WWOX: variants seen among roughly 807,000 people sequenced by gnomAD.
The protein encoded by WWOX is WW domain containing oxidoreductase.
Under a neutral mutation model 46.2 loss-of-function variants are expected in WWOX, and 69 were observed. The ratio of observed to expected loss-of-function variants is 1.49; its 90% CI spans 1.23 to 1.82. WWOX has a LOEUF of 1.82. Among genes scored for constraint, WWOX ranks in the 40% most tolerant of loss-of-function variants. WWOX has a pLI of 0.00. For missense variants in WWOX, 919 were observed against 542.6 expected (o/e 1.69, Z -6.89); for synonymous variants, 359 against 202.6 (o/e 1.77, Z -6.56).
chr16:78,643,351 A>T (rs2046765440), intron 8 of WWOX, among the ~76,000 whole-genome samples: 1 of 152,230 alleles, frequency 6.6e-6, no homozygotes, highest in South Asian at 2.1e-4. Flanking sequence ...AATGAAACTG[A>T]GGCTTCTGGA....
intron 8 of WWOX, among the ~76,000 whole-genome samples, chr16:78,806,057 TTA>T (rs1453059539): frequency 6.6e-6 from 1 of 152,228 alleles, no homozygotes; most frequent in Non-Finnish European, 1.5e-5. Flanking sequence ...TAGATAGATC[TTA>T]GCAGTCAAAG....
At position 78,348,917 on chromosome 16, in the gene WWOX, T is replaced by C. The variant is rs111447515; in HGVS notation, c.517-37943T>C. Among the ~76,000 whole-genome samples the C allele has an allele frequency of 8.3e-3, 958 of 116,118 alleles. 297 individuals are homozygous for C. The highest frequency in any genetic ancestry group is 0.016 in the Non-Finnish European group (775 of 48,380). The allele number at this position is 116,118 out of a possible 152,430, so 76.2% of individuals were successfully genotyped here. On this transcript the variant is annotated intron_variant, in intron 5 of 8. Transcript: ENST00000566780. ...GGCAACAGAGGGTCAGAAATCAGGG[T>C]GGAAAATAGCCCAGCAGAGGGGAAA...
intron 5 of WWOX, among the ~76,000 whole-genome samples, chr16:78,224,160 A>G (rs553377209): frequency 6.6e-6 from 1 of 152,028 alleles, no homozygotes; most frequent in South Asian, 2.1e-4. Flanking sequence ...CCCGCCACCA[A>G]GCCCAGCTAA....
chr16:78,679,133 G>C (rs922460891), intron 8 of WWOX, among the ~76,000 whole-genome samples: 1 of 152,188 alleles, frequency 6.6e-6, no homozygotes. Context: ...TGGACCTAGG[G>C]ATGGATTCAG....
chr16:78,956,259 C>A (rs2046164702), intron 8 of WWOX, among the ~76,000 whole-genome samples: 3 of 152,176 alleles, frequency 2.0e-5, no homozygotes, highest in African/African-American at 7.2e-5. Context: ...AATTCTGCTG[C>A]CTCAGCCTCC....
intron 8 of WWOX, among the ~76,000 whole-genome samples, chr16:78,487,179 T>A (rs2084659453): frequency 6.6e-6 from 1 of 152,240 alleles, no homozygotes; most frequent in Admixed American, 6.5e-5. Context: ...ATATTTATGC[T>A]GGATAAATAA....
In WWOX at chr16:78,349,121, C is replaced by T. The variant is rs1172865249; in HGVS notation, c.517-37739C>T. ...CGGCACAGTTGATGTCTTCTGAGGT[C>T]TACCTCGTCTGCTTGCAGACAGCCG... On this transcript the variant is annotated intron_variant, in intron 5 of 8. Transcript: ENST00000566780. Among the ~76,000 whole-genome samples the T allele has an allele frequency of 5.8e-5, 7 of 120,318 alleles. 3 individuals carry two copies. Among genetic ancestry groups the T allele is most frequent in the Non-Finnish European group, 1.4e-4 (7 of 50,438 alleles). The allele number at this position is 120,318 out of a possible 152,430, so 78.9% of individuals were successfully genotyped here.
chr16:78,869,777 C>G (rs1474410398), intron 8 of WWOX, among the ~76,000 whole-genome samples: 1 of 152,180 alleles, frequency 6.6e-6, no homozygotes, highest in East Asian at 1.9e-4. Context: ...CAGATAGCCT[C>G]TTAGCAGAGC....
At chr16:78,637,844 A>G (rs1340531475) in intron 8 of WWOX, among the ~76,000 whole-genome samples, 1 of 152,246 alleles carries the variant, frequency 6.6e-6, no homozygotes, top group South Asian at 2.1e-4. Context: ...GTGTGTCTCC[A>G]CTTTCCAGCC....
intron 8 of WWOX, among the ~76,000 whole-genome samples, chr16:78,938,193 AGT>A (rs2045781563): frequency 6.6e-6 from 1 of 152,106 alleles, no homozygotes; most frequent in Non-Finnish European, 1.5e-5. Flanking sequence ...TTTTGAGAGG[AGT>A]GTGAAATACA....
intron 8 of WWOX, among the ~76,000 whole-genome samples, chr16:78,877,040 A>G (rs1249058815): frequency 6.6e-6 from 1 of 152,208 alleles, no homozygotes; most frequent in Non-Finnish European, 1.5e-5. Context: ...GGACATTTAA[A>G]TAGCTCTTCT....
At chr16:78,368,756 C>G (rs1270958055) in intron 5 of WWOX, among the ~76,000 whole-genome samples, 1 of 152,204 alleles carries the variant, frequency 6.6e-6, no homozygotes, top group Non-Finnish European at 1.5e-5. Flanking sequence ...ACTTAGCTGG[C>G]TTTTAGCAAA....
chr16:78,261,776 C>CTATCTATCTATG (rs2079241205), intron 5 of WWOX, among the ~76,000 whole-genome samples: 1 of 38,372 alleles, frequency 2.6e-5, no homozygotes, highest in Non-Finnish European at 4.4e-5. Flanking sequence ...ATCTATGTAT[C>CTATCTATCTATG]TATCTATCTA....
At chr16:78,387,034 G>T in intron 6 of WWOX, 86 bp downstream of exon 6, 2 of 1,382,252 alleles carry the variant, frequency 1.4e-6, no homozygotes, top group African/African-American at 1.4e-5. Flanking sequence ...GAGAATGCAA[G>T]GCTGTTGTGT....
intron 8 of WWOX, among the ~76,000 whole-genome samples, chr16:79,200,867 C>T (rs1001566380): frequency 3.9e-5 from 6 of 151,948 alleles, no homozygotes; most frequent in African/African-American, 1.5e-4. Context: ...ACGGCAGGCC[C>T]AAAAAATGGA....
intron 8 of WWOX, among the ~76,000 whole-genome samples, chr16:78,765,120 AG>A (rs2049896815): frequency 2.6e-5 from 4 of 152,294 alleles, no homozygotes; most frequent in Admixed American, 2.0e-4. Context: ...GGGATGTGGT[AG>A]GGTGATGGTC....
intron 8 of WWOX, among the ~76,000 whole-genome samples, chr16:78,763,156 G>A (rs2049835398): frequency 6.6e-6 from 1 of 152,216 alleles, no homozygotes; most frequent in African/African-American, 2.4e-5. Context: ...AAGCGTTACA[G>A]TCAAGGGCCA....
intron 8 of WWOX, chr16:79,016,401 C>A (rs116862359): frequency 6.6e-6 from 1 of 151,870 alleles, no homozygotes; most frequent in South Asian, 2.1e-4. Context: ...AGCAGCAACT[C>A]CTGTTTCTTG....
intron 8 of WWOX, among the ~76,000 whole-genome samples, chr16:78,522,679 C>CT (rs1468429000): frequency 1.3e-5 from 2 of 152,216 alleles, no homozygotes; most frequent in Non-Finnish European, 2.9e-5. Context: ...ATGAGATGCT[C>CT]TTGCTAGCTT....
Sources: allele counts gnomAD v4.1 joint callset (sites outside exome capture counted in the v4.1 genomes callset), GRCh38; gene constraint gnomAD v4.1.1; transcripts MANE v1.5; gene names NCBI Gene and HGNC (gene_info 2026-07-23, HGNC 2026-07-21).